The following ERC2 variants were observed in gnomAD, a reference collection of about 807,000 sequenced individuals.
The protein encoded by ERC2 is ERC protein 2.
Under a neutral mutation model 114.8 loss-of-function variants are expected in ERC2, and 42 were observed. That is an observed-to-expected ratio of 0.37 (90% CI 0.29 to 0.47). The LOEUF is 0.47. ERC2 is among the 20% of genes least tolerant of loss of function. ERC2 has a pLI of 0.99. For missense variants in ERC2, 939 were observed against 1,150.7 expected, an observed-to-expected ratio of 0.82 and a Z score of 2.66; for synonymous variants, 454 against 425.5, an observed-to-expected ratio of 1.07 and a Z score of -0.82.
rs2067553075 is a variant in ERC2 at position 55,763,056 on chromosome 3, T to C, written c.2565-28138A>G. 2.6e-5 allele frequency among the ~76,000 whole-genome samples: 4 copies of C among 152,036 alleles called. No homozygotes were observed. In the South Asian group the frequency reaches 8.3e-4, roughly 32 times the overall value. Reference sequence around the variant, plus strand: ...ATCAAGAAAGAGATTCCTAAGAAAATGGCATTATTGGGGACTTGAGGAATG... The same window carrying C: ...ATCAAGAAAGAGATTCCTAAGAAAACGGCATTATTGGGGACTTGAGGAATG... On this transcript the variant is annotated intron_variant, in intron 14 of 17. Coordinates refer to ENST00000288221, the MANE Select transcript of ERC2 (RefSeq NM_015576.3).
chr3:56,245,257 A>G (rs1261398064), intron 3 of ERC2, among the ~76,000 whole-genome samples: 1 of 151,782 alleles, frequency 6.6e-6, no homozygotes, highest in African/African-American at 2.4e-5. Context: ...ACTGGTCTTC[A>G]AAACCAAGCG....
chr3:55,999,611 A>G (rs972197339), intron 10 of ERC2, among the ~76,000 whole-genome samples: 1 of 151,928 alleles, frequency 6.6e-6, no homozygotes, highest in Non-Finnish European at 1.5e-5. Context: ...TTAGAAAATA[A>G]AATAATAAGT....
chr3:56,341,350 C>T (rs1230819374), intron 2 of ERC2, among the ~76,000 whole-genome samples: 4 of 152,070 alleles, frequency 2.6e-5, no homozygotes, highest in Non-Finnish European at 5.9e-5. Flanking sequence ...GATATTCTGC[C>T]AATTAAAAAC....
chr3:55,715,481 C>G (rs530845677), intron 15 of ERC2, among the ~76,000 whole-genome samples: 1 of 152,090 alleles, frequency 6.6e-6, no homozygotes, highest in African/African-American at 2.4e-5. Flanking sequence ...ACACACTGAA[C>G]TTGGTAATTA....
At chr3:55,808,699 TTTTATATATA>T (rs1294891781) in intron 14 of ERC2, among the ~76,000 whole-genome samples, 2 of 60,910 alleles carry the variant, frequency 3.3e-5, no homozygotes, top group East Asian at 5.6e-4. Context: ...TATACCATAA[TTTTATATATA>T]TATATATATA....
At chr3:55,569,861 A>ATT (rs375004734) in intron 17 of ERC2, among the ~76,000 whole-genome samples, 193 of 125,172 alleles carry the variant, frequency 1.5e-3, no homozygotes, top group African/African-American at 3.0e-3. Flanking sequence ...CTTCATTTCT[A>ATT]TTTTTTTTTT....
chr3:56,463,719 CTCAT>C (rs1399554572), intron 1 of ERC2, among the ~76,000 whole-genome samples: 2 of 152,196 alleles, frequency 1.3e-5, no homozygotes, highest in African/African-American at 4.8e-5. Flanking sequence ...AGTGGAATAA[CTCAT>C]TATATCCATG....
intron 6 of ERC2, among the ~76,000 whole-genome samples, chr3:56,096,630 A>G (rs1237597050): frequency 6.6e-6 from 1 of 152,184 alleles, no homozygotes; most frequent in Non-Finnish European, 1.5e-5. Context: ...AATCTCTGAG[A>G]CGTCTCCTAG....
At chr3:55,997,880 GTTTTTTTTTT>G (rs869077498) in intron 10 of ERC2, among the ~76,000 whole-genome samples, 8 of 44,790 alleles carry the variant, frequency 1.8e-4, no homozygotes, top group African/African-American at 7.1e-4. Flanking sequence ...TCTTAATTCT[GTTTTTTTTTT>G]TTTTTTTTTT....
intron 14 of ERC2, among the ~76,000 whole-genome samples, chr3:55,828,318 TAAA>T (rs1185977743): frequency 1.2e-4 from 19 of 152,026 alleles, no homozygotes; most frequent in Non-Finnish European, 1.5e-5. Flanking sequence ...AACCACAAAA[TAAA>T]AATTCCTGGG....
intron 14 of ERC2, among the ~76,000 whole-genome samples, chr3:55,768,910 C>T (rs936240151): frequency 2.6e-5 from 4 of 152,054 alleles, no homozygotes; most frequent in African/African-American, 4.8e-5. Flanking sequence ...AAACTCATAC[C>T]CTAAGATTAT....
At chr3:56,198,925 T>G (rs1365243352) in intron 3 of ERC2, among the ~76,000 whole-genome samples, 2 of 152,188 alleles carry the variant, frequency 1.3e-5, no homozygotes, top group Non-Finnish European at 1.5e-5. Context: ...CGAATAGGAA[T>G]GAGCTTAGAT....
At chr3:55,742,620 G>T (rs534748481) in intron 14 of ERC2, among the ~76,000 whole-genome samples, 1 of 152,296 alleles carries the variant, frequency 6.6e-6, no homozygotes, top group East Asian at 1.9e-4. Flanking sequence ...GGGGGAAAAA[G>T]TCCGCTCAAT....
At chr3:55,959,170 A>G (rs2068185423) in intron 12 of ERC2, among the ~76,000 whole-genome samples, 1 of 152,116 alleles carries the variant, frequency 6.6e-6, no homozygotes, top group Non-Finnish European at 1.5e-5. Flanking sequence ...AGCCAAGAAA[A>G]CCTTGGGAGC....
chr3:55,784,656 C>A (rs551615513), intron 14 of ERC2, among the ~76,000 whole-genome samples: 32 of 152,318 alleles, frequency 2.1e-4, no homozygotes, highest in African/African-American at 7.7e-4. Flanking sequence ...CCCACACCCA[C>A]CCCATTTTTC....
At chr3:56,409,296 A>G (rs746569930) in intron 2 of ERC2, among the ~76,000 whole-genome samples, 4 of 152,182 alleles carry the variant, frequency 2.6e-5, no homozygotes, top group Non-Finnish European at 5.9e-5. Context: ...TTAAAAAAAT[A>G]TAATCAAACT....
At chr3:55,622,710 CTTTG>C (rs1398458641) in intron 17 of ERC2, among the ~76,000 whole-genome samples, 2 of 151,810 alleles carry the variant, frequency 1.3e-5, no homozygotes, top group Non-Finnish European at 2.9e-5. Flanking sequence ...AAATATTTGA[CTTTG>C]TTTGTTTATA....
intron 2 of ERC2, among the ~76,000 whole-genome samples, chr3:56,416,433 A>G (rs2061157153): frequency 6.6e-6 from 1 of 152,026 alleles, no homozygotes; most frequent in Admixed American, 6.6e-5. Flanking sequence ...AGATTCCCCA[A>G]ACTATGCATC....
At chr3:56,430,069 C>T (rs1025492781) in intron 2 of ERC2, among the ~76,000 whole-genome samples, 2 of 152,204 alleles carry the variant, frequency 1.3e-5, no homozygotes, top group Admixed American at 6.5e-5. Context: ...ATCTCCTTAC[C>T]TCTACCCTGT....
Sources: gnomAD v4.1 joint callset for allele counts (sites outside exome capture counted in the v4.1 genomes callset) on GRCh38, gnomAD v4.1.1 for gene constraint, MANE v1.5 for transcripts, NCBI Gene and HGNC (gene_info 2026-07-23, HGNC 2026-07-21) for gene names.